Variants in EPHA6 observed in about 807,000 individuals in gnomAD.
The protein encoded by EPHA6 is ephrin type-A receptor 6.
Under a neutral mutation model 112.0 loss-of-function variants are expected in EPHA6, and 50 were observed. The ratio of observed to expected loss-of-function variants is 0.45; its 90% CI spans 0.36 to 0.56. The LOEUF (loss-of-function observed/expected upper bound fraction) is 0.56, where lower values mean the gene tolerates loss of function less well. Ranked by LOEUF, EPHA6 falls within the 20% of genes least tolerant of loss-of-function variation. EPHA6 has a pLI of 0.00. For synonymous variants in EPHA6, 529 were observed against 490.7 expected, an observed-to-expected ratio of 1.08 and a Z score of -1.03; for missense variants, 1,280 against 1,417.4, an observed-to-expected ratio of 0.90 and a Z score of 1.56.
chr3:97,663,097 A>T (rs2094180602), intron 14 of EPHA6, among the ~76,000 whole-genome samples: 1 of 152,212 alleles, frequency 6.6e-6, no homozygotes, highest in Non-Finnish European at 1.5e-5. Flanking sequence ...AAAAAGAAAT[A>T]CATGAGAATG....
intron 5 of EPHA6, among the ~76,000 whole-genome samples, chr3:97,284,402 G>A (rs917830337): frequency 6.6e-6 from 1 of 151,926 alleles, no homozygotes; most frequent in Admixed American, 6.6e-5. Context: ...TCCAATTTTC[G>A]ATCTTATTCT....
At chr3:97,718,584 G>A (rs1030368692) in intron 14 of EPHA6, among the ~76,000 whole-genome samples, 3 of 152,040 alleles carry the variant, frequency 2.0e-5, no homozygotes, top group African/African-American at 7.2e-5. Flanking sequence ...ATTTAACCAT[G>A]AGTCCCTTAT....
intron 1 of EPHA6, among the ~76,000 whole-genome samples, chr3:96,835,078 A>G (rs183169053): frequency 9.1e-4 from 139 of 152,140 alleles, no homozygotes; most frequent in Admixed American, 3.1e-3. Flanking sequence ...AGTTTGAGTA[A>G]TTTGCTCAAG....
intron 3 of EPHA6, among the ~76,000 whole-genome samples, chr3:97,043,249 A>T (rs890931556): frequency 6.6e-6 from 1 of 152,100 alleles, no homozygotes; most frequent in African/African-American, 2.4e-5. Context: ...AGAAGATGTA[A>T]TATCTCAGTG....
chr3:97,432,256 G>A (rs1054151552), intron 6 of EPHA6, among the ~76,000 whole-genome samples: 3 of 152,104 alleles, frequency 2.0e-5, no homozygotes, highest in South Asian at 4.1e-4. Flanking sequence ...CTAACTCAAG[G>A]TATAGTTTAT....
intron 10 of EPHA6, among the ~76,000 whole-genome samples, chr3:97,504,583 C>A (rs1235186835): frequency 6.6e-6 from 1 of 152,090 alleles, no homozygotes; most frequent in Admixed American, 6.6e-5. Context: ...ACCTGTGTAG[C>A]CCTTCTTTAG....
intron 5 of EPHA6, among the ~76,000 whole-genome samples, chr3:97,248,468 C>T (rs926957187): frequency 3.3e-5 from 5 of 151,964 alleles, no homozygotes; most frequent in African/African-American, 4.8e-5. Flanking sequence ...CATGGATAGT[C>T]GACCCAAAAC....
rs776421078 is a variant in EPHA6, at chr3:97,747,583, C to T, written c.3278+11C>T. The T allele has an allele frequency of 6.3e-7, 1 of 1,597,344 alleles. No individual in the cohort carries two copies. The highest frequency in any genetic ancestry group is 1.4e-5 in the African/African-American group (1 of 73,788). Reference sequence around the variant, plus strand: ...AAGAATGAGCATTGAGTAAGTGATACTAGGTTTATTACTGTAACGAGATGT... The same window carrying T: ...AAGAATGAGCATTGAGTAAGTGATATTAGGTTTATTACTGTAACGAGATGT... On this transcript the variant is annotated intron_variant, in intron 17 of 17. Transcript: ENST00000389672.
At chr3:96,905,101 T>C (rs2038860893) in intron 2 of EPHA6, among the ~76,000 whole-genome samples, 1 of 152,114 alleles carries the variant, frequency 6.6e-6, no homozygotes, top group Non-Finnish European at 1.5e-5. Flanking sequence ...TTTTAAAATG[T>C]TAATTGCCTA....
chr3:96,887,389 C>T (rs541418531), intron 2 of EPHA6, among the ~76,000 whole-genome samples: 14 of 152,142 alleles, frequency 9.2e-5, no homozygotes, highest in African/African-American at 1.9e-4. Context: ...TGAGTCTACC[C>T]GGCTCCAGGC....
At chr3:97,388,096 T>G (rs2086178340) in intron 5 of EPHA6, among the ~76,000 whole-genome samples, 1 of 152,126 alleles carries the variant, frequency 6.6e-6, no homozygotes, top group East Asian at 1.9e-4. Context: ...TCCTCCAATA[T>G]CAAGGATTAG....
intron 11 of EPHA6, among the ~76,000 whole-genome samples, chr3:97,550,180 C>T (rs1290921373): frequency 6.6e-6 from 1 of 152,092 alleles, no homozygotes; most frequent in African/African-American, 2.4e-5. Flanking sequence ...GGAAATGTTG[C>T]AGGCTAAAAA....
chr3:97,710,445 T>C (rs1427229852), intron 14 of EPHA6, among the ~76,000 whole-genome samples: 4 of 152,172 alleles, frequency 2.6e-5, no homozygotes, highest in Non-Finnish European at 5.9e-5. Flanking sequence ...TGTGGATCTG[T>C]CAGGAACAGT....
intron 10 of EPHA6, 148 bp from the exon 11 acceptor site, chr3:97,532,210 C>G: frequency 3.1e-6 from 2 of 648,782 alleles, no homozygotes; most frequent in Middle Eastern, 4.4e-4. Context: ...TCCTTATAAA[C>G]TTACTCTTTA....
At chr3:97,691,840 C>A (rs2032690128) in intron 14 of EPHA6, among the ~76,000 whole-genome samples, 1 of 152,192 alleles carries the variant, frequency 6.6e-6, no homozygotes, top group South Asian at 2.1e-4. Context: ...GGAGAAAATT[C>A]TCTTTCGGCC....
intron 10 of EPHA6, among the ~76,000 whole-genome samples, chr3:97,525,187 TC>T (rs1404519095): frequency 2.0e-5 from 3 of 152,146 alleles, no homozygotes; most frequent in African/African-American, 7.2e-5. Flanking sequence ...TCTTTTTTGA[TC>T]TTTTTTTAAT....
At chr3:96,965,663 A>G (rs2042098074) in intron 2 of EPHA6, among the ~76,000 whole-genome samples, 1 of 152,092 alleles carries the variant, frequency 6.6e-6, no homozygotes, top group Admixed American at 6.6e-5. Context: ...TTTTTACATA[A>G]TCAAATTTAC....
At chr3:97,404,026 T>G (rs190294123) in intron 5 of EPHA6, among the ~76,000 whole-genome samples, 51 of 152,310 alleles carry the variant, frequency 3.3e-4, no homozygotes, top group African/African-American at 1.1e-3. Flanking sequence ...TATAACTTCA[T>G]AATTCTCTAG....
At position 97,440,065 on chromosome 3, in the gene EPHA6, T is replaced by C. The variant is rs561646737; in HGVS notation, c.1732-8503T>C. 1.6e-4 allele frequency among the ~76,000 whole-genome samples: 25 copies of C among 152,250 alleles called. 1 individual carries two copies. The South Asian group carries it at 3.5e-3, about 21-fold the overall frequency. ...TTTTTTGAGGGAAATGTAAACTACA[T>C]TTTTCAGGAAATTGCAGCCCACTTT... On this transcript the variant is annotated intron_variant, in intron 6 of 17. Transcript: ENST00000389672.
Sources: allele counts gnomAD v4.1 joint callset (sites outside exome capture counted in the v4.1 genomes callset), GRCh38; gene constraint gnomAD v4.1.1; transcripts MANE v1.5; gene names NCBI Gene and HGNC (gene_info 2026-07-23, HGNC 2026-07-21).